NHS: variants seen among roughly 807,000 people sequenced by gnomAD.
NHS encodes actin remodeling regulator NHS.
In NHS, 5 loss-of-function variants were observed where a neutral mutation model predicts 72.5. The ratio of observed to expected loss-of-function variants is 0.07; its 90% CI spans 0.04 to 0.14. The LOEUF (loss-of-function observed/expected upper bound fraction) is 0.14, where lower values mean the gene tolerates loss of function less well. NHS is among the 10% of genes least tolerant of loss of function. The pLI, the probability that NHS is intolerant of heterozygous loss-of-function variation, is 1.00. For missense variants in NHS, 1,072 were observed against 1,355.7 expected, an observed-to-expected ratio of 0.79 and a Z score of 3.29; for synonymous variants, 464 against 547.7, an observed-to-expected ratio of 0.85 and a Z score of 2.13.
chrX:17,677,424 T>C (rs1235291065), intron 1 of NHS, among the ~76,000 whole-genome samples: 4 of 111,205 alleles, frequency 3.6e-5, no homozygotes, highest in Non-Finnish European at 7.5e-5. Flanking sequence ...TGTACCTTGC[T>C]GATATATATA....
intron 1 of NHS, among the ~76,000 whole-genome samples, chrX:17,603,393 A>G (rs758462842): frequency 8.9e-6 from 1 of 112,534 alleles, no homozygotes; most frequent in African/African-American, 3.2e-5. Context: ...GAATTCAAGA[A>G]ATACGGTGGC....
At chrX:17,718,245 G>A (rs2066376357) in intron 3 of NHS, among the ~76,000 whole-genome samples, 1 of 105,256 alleles carries the variant, frequency 9.5e-6, no homozygotes. Context: ...GTGGAGGCAG[G>A]ATTTGAATTC....
chrX:17,434,634 G>A (rs758187329), intron 1 of NHS, among the ~76,000 whole-genome samples: 12 of 109,690 alleles, frequency 1.1e-4, no homozygotes, highest in Admixed American at 9.7e-5. Flanking sequence ...TAGTAGAGAC[G>A]GGGTTTCACT....
At chrX:17,409,579 A>G (rs2064547421) in intron 1 of NHS, among the ~76,000 whole-genome samples, 1 of 111,205 alleles carries the variant, frequency 9.0e-6, no homozygotes, top group African/African-American at 3.3e-5. Context: ...CCCCTACGCT[A>G]CATGTCTAAG....
chrX:17,402,018 G>A (rs1489639433), intron 1 of NHS, among the ~76,000 whole-genome samples: 1 of 111,639 alleles, frequency 9.0e-6, no homozygotes, highest in Non-Finnish European at 1.9e-5. Context: ...TTTTAAGTGG[G>A]CAAAAGATTT....
chrX:17,656,851 C>T (rs2065959288), intron 1 of NHS, among the ~76,000 whole-genome samples: 2 of 111,579 alleles, frequency 1.8e-5, no homozygotes, highest in Admixed American at 1.9e-4. Context: ...GAGGTTTGGC[C>T]TTTTGAGGGC....
intron 1 of NHS, among the ~76,000 whole-genome samples, chrX:17,561,574 G>GCACACACCACA (rs2065415322): frequency 1.5e-5 from 1 of 65,387 alleles, no homozygotes; most frequent in Non-Finnish European, 2.6e-5. Flanking sequence ...GCGCGCGCGC[G>GCACACACCACA]CACACACACA....
chrX:17,632,431 T>G (rs1263961303), intron 1 of NHS, among the ~76,000 whole-genome samples: 1 of 109,877 alleles, frequency 9.1e-6, no homozygotes, highest in Non-Finnish European at 1.9e-5. Flanking sequence ...CTTCTTGGTG[T>G]GCCTTTTACC....
chrX:17,377,409 G>A lies in NHS; in HGVS notation c.565+1087G>A, dbSNP rs1335973386. Among the ~76,000 whole-genome samples the A allele has an allele frequency of 7.9e-5, 9 of 113,288 alleles. No homozygotes were observed. The Admixed American group carries it at 8.3e-4, about 10-fold the overall frequency. On this transcript the variant is annotated intron_variant, in intron 1 of 8. Coordinates refer to ENST00000676302, the MANE Select transcript of NHS (RefSeq NM_001291867.2). ...AGGAGGTAGACAGGGGCGCTGGGTT[G>A]GCGCGACGGTCCTTTGGCGCCTAGT...
At chrX:17,580,747 A>T (rs766497974) in intron 1 of NHS, among the ~76,000 whole-genome samples, 36 of 112,372 alleles carry the variant, frequency 3.2e-4, no homozygotes, top group Middle Eastern at 4.6e-3. Flanking sequence ...GTCACTAAGG[A>T]CAGGAAACAA....
chrX:17,550,248 T>C (rs184159803), intron 1 of NHS, among the ~76,000 whole-genome samples: 15 of 112,191 alleles, frequency 1.3e-4, no homozygotes, highest in African/African-American at 4.9e-4. Flanking sequence ...TTTTCCTTTT[T>C]GAACATCTCA....
chrX:17,446,927 C>T (rs1296138596), intron 1 of NHS, among the ~76,000 whole-genome samples: 2 of 111,905 alleles, frequency 1.8e-5, no homozygotes, highest in African/African-American at 6.5e-5. Context: ...CAAAATTAGG[C>T]TTAATATATC....
At chrX:17,408,445 C>G (rs1005058246) in intron 1 of NHS, among the ~76,000 whole-genome samples, 11 of 111,600 alleles carry the variant, frequency 9.9e-5, no homozygotes, top group African/African-American at 3.3e-4. Context: ...TGTGTTTATT[C>G]TATGTGTTTT....
chrX:17,636,279 C>A (rs2065846652), intron 1 of NHS, among the ~76,000 whole-genome samples: 1 of 112,557 alleles, frequency 8.9e-6, no homozygotes, highest in Non-Finnish European at 1.9e-5. Context: ...TGTTAAACCA[C>A]TGTGGGGCCT....
At chrX:17,686,063 T>C (rs1190829585) in intron 1 of NHS, among the ~76,000 whole-genome samples, 2 of 112,106 alleles carry the variant, frequency 1.8e-5, no homozygotes, top group Non-Finnish European at 3.8e-5. Flanking sequence ...TCCCTCATGT[T>C]GCCCAACTCC....
chrX:17,390,040 A>T (rs1283241316), intron 1 of NHS, among the ~76,000 whole-genome samples: 1 of 112,437 alleles, frequency 8.9e-6, no homozygotes, highest in Non-Finnish European at 1.9e-5. Flanking sequence ...GCTCATGCTG[A>T]TGCTTGAAGC....
chrX:17,576,124 T>C (rs971864727), intron 1 of NHS, among the ~76,000 whole-genome samples: 1 of 111,715 alleles, frequency 9.0e-6, no homozygotes, highest in African/African-American at 3.3e-5. Flanking sequence ...TGTTATTCCC[T>C]GAATAGCACT....
chrX:17,435,503 A>G (rs2064717469), intron 1 of NHS, among the ~76,000 whole-genome samples: 1 of 112,113 alleles, frequency 8.9e-6, no homozygotes, highest in Admixed American at 9.4e-5. Context: ...GGCCTTCACA[A>G]GCAGTGAGGT....
chrX:17,711,284 C>G (rs772669063), intron 3 of NHS, among the ~76,000 whole-genome samples: 1 of 111,350 alleles, frequency 9.0e-6, no homozygotes. Context: ...CCAGTGGGCC[C>G]TGTTTTGTGT....
Sources: gnomAD v4.1 joint callset for allele counts (sites outside exome capture counted in the v4.1 genomes callset) on GRCh38, gnomAD v4.1.1 for gene constraint, MANE v1.5 for transcripts, NCBI Gene and HGNC (gene_info 2026-07-23, HGNC 2026-07-21) for gene names.